Variants in LIX1 observed in about 807,000 individuals in gnomAD.
LIX1 encodes the protein protein limb expression 1 homolog.
A neutral mutation model predicts 33.4 loss-of-function variants in LIX1; 24 were observed. That is an observed-to-expected ratio of 0.72 (90% CI 0.52 to 1.01). The LOEUF (loss-of-function observed/expected upper bound fraction) is 1.01, where lower values mean the gene tolerates loss of function less well. LIX1 is among the 50% of genes least tolerant of loss of function. LIX1 has a pLI of 0.00. For synonymous variants in LIX1, 124 were observed against 124.0 expected (o/e 1.00, Z 0.00); for missense variants, 311 against 339.2 (o/e 0.92, Z 0.65).
intron 1 of LIX1, among the ~76,000 whole-genome samples, chr5:97,127,307 T>C (rs972594357): frequency 3.3e-5 from 5 of 152,138 alleles, no homozygotes; most frequent in Non-Finnish European, 7.4e-5. Flanking sequence ...ACACAAGAAT[T>C]TTGGCATGTA....
chr5:97,124,771 G>A (rs867568063), intron 1 of LIX1, 142 bp from the exon 2 acceptor site: 18 of 474,510 alleles, frequency 3.8e-5, no homozygotes, highest in Middle Eastern at 1.1e-3. Context: ...GGGGTGGAGG[G>A]GCTTTTAGCT....
intron 4 of LIX1, among the ~76,000 whole-genome samples, chr5:97,097,981 CT>C (rs1222495296): frequency 1.3e-5 from 2 of 152,214 alleles, no homozygotes; most frequent in African/African-American, 4.8e-5. Flanking sequence ...CTGTTTCTAC[CT>C]TCTTCAGCCC....
rs760373048 is a variant in LIX1 at position 97,107,407 on chromosome 5, T to C, written c.340A>G (p.Lys114Glu). 1.9e-6 allele frequency: 3 copies of C among 1,612,720 alleles called. No individual in the cohort carries two copies. Among genetic ancestry groups the C allele is most frequent in the Non-Finnish European group, 2.5e-6 (3 of 1,179,996 alleles). Residue 114 changes from lysine (K) to glutamate (E), a missense_variant, in exon 3 of 6, where the codon AAG becomes GAG. By Grantham distance (56) the Lys-to-Glu change is moderately conservative. Coordinates refer to ENST00000274382, the MANE Select transcript of LIX1 (RefSeq NM_153234.5). ...FNELPSRRIT[K>E]EFIMESVQEA... The stretch of plus-strand genomic sequence containing the variant: ...TGAACACTTTCCATAATGAATTCCT[T>C]GGTGATCCTGCGAGAGGGCAGCTCA...
At chr5:97,124,383 T>G in intron 2 of LIX1, 83 bp downstream of exon 2, 5 of 1,213,646 alleles carry the variant, frequency 4.1e-6, no homozygotes, top group Non-Finnish European at 5.7e-6. Flanking sequence ...CCAAGAAAAT[T>G]TGTAATGTTA....
At chr5:97,102,988 A>G (rs1374809414) in intron 4 of LIX1, 1 of 435,938 alleles carries the variant, frequency 2.3e-6, no homozygotes, top group Non-Finnish European at 4.5e-6. Flanking sequence ...ATCCCGCAAA[A>G]ATTCTACAAA....
At chr5:97,131,314 CTTCT>C in intron 1 of LIX1, among the ~76,000 whole-genome samples, 1 of 152,284 alleles carries the variant, frequency 6.6e-6, no homozygotes, top group East Asian at 1.9e-4. Flanking sequence ...CCCTCCCTTC[CTTCT>C]ATCCAGCTTA....
Position 97,131,548 on chromosome 5 carries a change from C to G in LIX1, c.83-6919G>C, listed in dbSNP as rs562754318. Among the ~76,000 whole-genome samples, 185 of 118,556 alleles carry G rather than the reference C, an allele frequency of 1.6e-3. 2 individuals carry two copies. Among genetic ancestry groups the G allele is most frequent in the Non-Finnish European group, 5.3e-4 (30 of 56,388 alleles). The allele number at this position is 118,556 out of a possible 152,430, so 77.8% of individuals were successfully genotyped here. ...TCCTTCTGGCCAGAGGAATGAAATGCCTTGTGGTAACAATTCATCTTACAG... is the reference window on the plus strand; with the variant it reads ...TCCTTCTGGCCAGAGGAATGAAATGGCTTGTGGTAACAATTCATCTTACAG... On this transcript the variant is annotated intron_variant, in intron 1 of 5. Transcript: ENST00000274382.
At chr5:97,140,789 C>CA (rs1748270634) in intron 1 of LIX1, among the ~76,000 whole-genome samples, 1 of 152,184 alleles carries the variant, frequency 6.6e-6, no homozygotes, top group South Asian at 2.1e-4. Flanking sequence ...AGAGAATCGG[C>CA]AGTTTAATAT....
chr5:97,094,447 C>A lies in LIX1; in HGVS notation c.*301G>T. The stretch of plus-strand genomic sequence containing the variant: ...AATATATATAAAATCAAGCAAGGCA[C>A]GTGACAGTCAGGCTTTAGGTTGGAG... On this transcript the variant is annotated 3_prime_UTR_variant, in exon 6 of 6. Transcript: ENST00000274382. 5.4e-6 allele frequency: 2 copies of A among 370,710 alleles called. No individual in the cohort carries two copies. The highest frequency in any genetic ancestry group is 4.9e-6 in the Non-Finnish European group (1 of 205,068). The allele number at this position is 370,710 out of a possible 1,614,324, so 23.0% of individuals were successfully genotyped here. A position where few individuals can be genotyped will look rare whatever the true frequency, so the allele number is the denominator to read the frequency against.
chr5:97,111,809 C>T (rs1747410028), intron 2 of LIX1, among the ~76,000 whole-genome samples: 1 of 152,130 alleles, frequency 6.6e-6, no homozygotes, highest in Admixed American at 6.5e-5. Flanking sequence ...AACCAAATGG[C>T]ACTGCTCGGG....
At position 97,101,387 on chromosome 5, in the gene LIX1, T is replaced by C. The variant is rs532686513; in HGVS notation, c.483+3803A>G. Among the ~76,000 whole-genome samples, 5 of 152,324 alleles carry C rather than the reference T, an allele frequency of 3.3e-5. No homozygotes were observed. In the South Asian group the frequency reaches 1.0e-3, roughly 32 times the overall value. ...CATGGGCATGAGGTCTGTGCAGCTG[T>C]ACAGGGCCCCTGCTTTGTTTAGTGC... is the stretch of plus-strand genomic sequence containing the variant. On this transcript the variant is annotated intron_variant, in intron 4 of 5. Transcript: ENST00000274382.
At chr5:97,097,380 G>T (rs1746440332) in intron 4 of LIX1, among the ~76,000 whole-genome samples, 1 of 152,264 alleles carries the variant, frequency 6.6e-6, no homozygotes, top group East Asian at 1.9e-4. Flanking sequence ...AGTTTAAATA[G>T]AAAGAATTCT....
intron 2 of LIX1, among the ~76,000 whole-genome samples, chr5:97,109,738 C>G (rs1329980711): frequency 6.6e-6 from 1 of 151,198 alleles, no homozygotes; most frequent in African/African-American, 2.4e-5. Context: ...TATCCCTCAC[C>G]CCCCTCCCAA....
chr5:97,129,410 A>C (rs1014808630), intron 1 of LIX1, among the ~76,000 whole-genome samples: 1 of 152,130 alleles, frequency 6.6e-6, no homozygotes, highest in South Asian at 2.1e-4. Flanking sequence ...TAAAAAAAAA[A>C]CTGGTGCATG....
At chr5:97,139,915 A>G (rs1748249138) in intron 1 of LIX1, among the ~76,000 whole-genome samples, 1 of 152,268 alleles carries the variant, frequency 6.6e-6, no homozygotes, top group Admixed American at 6.5e-5. Context: ...GTATTGCAAA[A>G]TACCATTTGA....
chr5:97,135,825 A>T lies in LIX1; in HGVS notation c.82+6670T>A, dbSNP rs528676111. 4.6e-5 allele frequency among the ~76,000 whole-genome samples: 7 copies of T among 152,138 alleles called. No homozygotes were observed. The East Asian group carries it at 1.2e-3, about 25-fold the overall frequency. On this transcript the variant is annotated intron_variant, in intron 1 of 5. Transcript: ENST00000274382. ...CAGAGCGAGACTCTGTCTCAAAATT[A>T]ATAAAAATAAAAAAATAAAAATAAA... is the stretch of plus-strand genomic sequence containing the variant.
At chr5:97,101,829 G>A (rs57831006) in intron 4 of LIX1, 1 of 152,178 alleles carries the variant, frequency 6.6e-6, no homozygotes, top group Non-Finnish European at 1.5e-5. Context: ...ACTTGAAAAA[G>A]AGGTGGGCAC....
At position 97,136,972 on chromosome 5, in the gene LIX1, G is replaced by A. The variant is rs1704436436; in HGVS notation, c.82+5523C>T. ...GTGTTTGGGGTTAAAACATCAATAT[G>A]AAATGTATTACAAAAAGAAGATTCT... On this transcript the variant is annotated intron_variant, in intron 1 of 5. Transcript: ENST00000274382. 11 of 251,566 alleles carry A rather than the reference G, an allele frequency of 4.4e-5. 1 individual carries two copies. Among genetic ancestry groups the A allele is most frequent in the South Asian group, 4.3e-4 (10 of 23,072 alleles). 15.6% of individuals were successfully genotyped at this position (251,566 alleles called of 1,614,324 possible).
At chr5:97,125,965 T>C (rs1747907706) in intron 1 of LIX1, among the ~76,000 whole-genome samples, 1 of 152,188 alleles carries the variant, frequency 6.6e-6, no homozygotes. Flanking sequence ...AGTAAAGAGA[T>C]GGAGGAGGGC....
Sources: gnomAD v4.1 joint callset for allele counts (sites outside exome capture counted in the v4.1 genomes callset) on GRCh38, gnomAD v4.1.1 for gene constraint, MANE v1.5 for transcripts, NCBI Gene and HGNC (gene_info 2026-07-23, HGNC 2026-07-21) for gene names.